The following ADAMTS6 variants were observed in gnomAD, a reference collection of about 807,000 sequenced individuals.
The protein encoded by ADAMTS6 is ADAM metallopeptidase with thrombospondin type 1 motif 6.
ADAMTS6 carries 23 observed loss-of-function variants against 144.3 expected under a neutral mutation model. The ratio of observed to expected loss-of-function variants is 0.16; its 90% CI spans 0.11 to 0.23. The LOEUF (loss-of-function observed/expected upper bound fraction) is 0.23. Ranked by LOEUF, ADAMTS6 falls within the 10% of genes least tolerant of loss-of-function variation. The pLI is 1.00. For missense variants in ADAMTS6, 999 were observed against 1,379.6 expected (o/e 0.72, Z 4.37); for synonymous variants, 444 against 457.5 (o/e 0.97, Z 0.38).
chr5:65,151,946 C>A lies in ADAMTS6; in HGVS notation c.3245-1G>T. On this transcript the variant is annotated splice_acceptor_variant, in intron 24 of 24. Coordinates refer to ENST00000381055, the MANE Select transcript of ADAMTS6 (RefSeq NM_197941.4). LOFTEE classifies it high-confidence loss of function. The stretch of plus-strand genomic sequence containing the variant: ...GCCACTTTATTCACATCTTTGCACT[C>A]TAACGAATGGGGGCAGAAAATGGAA... 1 of 1,610,584 alleles carries A rather than the reference C, an allele frequency of 6.2e-7. No homozygotes were observed.
chr5:65,422,362 C>T (rs757459335), intron 7 of ADAMTS6, among the ~76,000 whole-genome samples: 40 of 152,254 alleles, frequency 2.6e-4, no homozygotes, highest in Non-Finnish European at 3.7e-4. Context: ...CCAGGCTTGG[C>T]GGCTCACGCC....
chr5:65,400,142 A>G (rs1227130717), intron 7 of ADAMTS6, among the ~76,000 whole-genome samples: 1 of 151,996 alleles, frequency 6.6e-6, no homozygotes, highest in Non-Finnish European at 1.5e-5. Context: ...GTTCCTCTAT[A>G]GGTAAGATTT....
intron 20 of ADAMTS6, among the ~76,000 whole-genome samples, chr5:65,199,670 CAT>C (rs1479887390): frequency 2.0e-5 from 3 of 152,248 alleles, no homozygotes; most frequent in African/African-American, 7.2e-5. Context: ...TTAAAAATTA[CAT>C]GTATACCCAA....
At chr5:65,321,388 AT>A (rs998981625) in intron 9 of ADAMTS6, among the ~76,000 whole-genome samples, 7 of 149,056 alleles carry the variant, frequency 4.7e-5, no homozygotes, top group Admixed American at 1.3e-4. Flanking sequence ...TTTAATGGGG[AT>A]TTTTTTTTCT....
intron 20 of ADAMTS6, among the ~76,000 whole-genome samples, chr5:65,211,196 T>C (rs527724648): frequency 6.6e-6 from 1 of 152,098 alleles, no homozygotes; most frequent in South Asian, 2.1e-4. Flanking sequence ...GGGTTAAAAG[T>C]GAGGGTTAAA....
At position 65,262,852 on chromosome 5, in the gene ADAMTS6, G is replaced by A. The variant is rs746468264; in HGVS notation, c.1731C>T (p.Gly577=). The change falls in exon 13 of 25, where the codon GGC becomes GGT. Residue 577 remains glycine, a synonymous_variant. Transcript: ENST00000381055. ...CACAGTGTCTTAGGGATGAGGAGAC[G>A]CCTCCCCCGCAGGTCCTGCTGCACT... The part of the protein sequence containing the change: ...WGECSRTCGG[G]VSSSLRHCDS... 2 of 1,573,738 alleles carry A rather than the reference G, an allele frequency of 1.3e-6. No homozygotes were observed. The highest frequency in any genetic ancestry group is 1.2e-5 in the South Asian group (1 of 84,802).
At chr5:65,273,294 T>C (rs780481436) in intron 12 of ADAMTS6, 46 bp downstream of exon 12, 2 of 1,524,304 alleles carry the variant, frequency 1.3e-6, no homozygotes, top group Non-Finnish European at 9.1e-7. Flanking sequence ...CAGCAATTTA[T>C]CACTTTTGTA....
intron 14 of ADAMTS6, among the ~76,000 whole-genome samples, chr5:65,259,096 C>G (rs1352240415): frequency 6.6e-6 from 1 of 152,018 alleles, no homozygotes; most frequent in African/African-American, 2.4e-5. Context: ...ATGGCTCACA[C>G]CTGTAATCCC....
chr5:65,279,001 T>C (rs969690557), intron 11 of ADAMTS6, among the ~76,000 whole-genome samples: 11 of 150,708 alleles, frequency 7.3e-5, no homozygotes, highest in Admixed American at 6.7e-5. Flanking sequence ...TGAAGTGTAG[T>C]GGTGTGAACA....
chr5:65,389,054 A>G (rs892043030), intron 7 of ADAMTS6, among the ~76,000 whole-genome samples: 2 of 152,122 alleles, frequency 1.3e-5, no homozygotes, highest in Non-Finnish European at 2.9e-5. Context: ...ATACAAAAAA[A>G]TTAGCCGGGC....
intron 17 of ADAMTS6, among the ~76,000 whole-genome samples, chr5:65,224,699 C>A (rs1205208540): frequency 1.3e-5 from 2 of 152,160 alleles, no homozygotes; most frequent in Admixed American, 1.3e-4. Flanking sequence ...GAATGTACAC[C>A]TTTAAGAAAC....
chr5:65,168,163 G>C (rs1753324669), intron 24 of ADAMTS6, among the ~76,000 whole-genome samples: 1 of 147,274 alleles, frequency 6.8e-6, no homozygotes, highest in Non-Finnish European at 1.5e-5. Flanking sequence ...ATCTCCTTAA[G>C]CTGATAAGCA....
intron 7 of ADAMTS6, among the ~76,000 whole-genome samples, chr5:65,396,336 TA>T (rs1157282941): frequency 6.6e-6 from 1 of 152,200 alleles, no homozygotes; most frequent in Admixed American, 6.5e-5. Flanking sequence ...AGTCTTCATC[TA>T]AATTCAGAAA....
chr5:65,401,815 T>C (rs531323391), intron 7 of ADAMTS6, among the ~76,000 whole-genome samples: 4 of 152,304 alleles, frequency 2.6e-5, no homozygotes, highest in East Asian at 1.9e-4. Context: ...ACTGTTAGGA[T>C]AGAGTGGCAA....
At chr5:65,226,013 A>G in intron 16 of ADAMTS6, 73 bp downstream of exon 16, 2 of 1,470,512 alleles carry the variant, frequency 1.4e-6, no homozygotes, top group African/African-American at 1.4e-5. Flanking sequence ...TAAACATAGT[A>G]TTAAATAGGA....
chr5:65,188,059 T>C lies in ADAMTS6; in HGVS notation c.2867A>G (p.Asn956Ser), dbSNP rs1356235427. The change falls in exon 22 of 25, where the codon AAC (asparagine) becomes AGC (serine). Residue 956 changes from asparagine (N) to serine (S), a missense_variant. By Grantham distance (46) the Asn-to-Ser change is conservative. Transcript: ENST00000381055. ...HRPVEKEPCN[N>S]QSCPPQWVAL... ...CACCCACTGTGGTGGACATGACTGGTTGTTGCAGGGCTCTTTTTCGACAGG... is the reference window on the plus strand; with the variant it reads ...CACCCACTGTGGTGGACATGACTGGCTGTTGCAGGGCTCTTTTTCGACAGG... The C allele has an allele frequency of 1.2e-6, 2 of 1,614,094 alleles. No homozygotes were observed. The highest frequency in any genetic ancestry group is 1.7e-6 in the Non-Finnish European group (2 of 1,179,988).
chr5:65,362,232 C>T (rs1046434472), intron 7 of ADAMTS6, among the ~76,000 whole-genome samples: 1 of 152,132 alleles, frequency 6.6e-6, no homozygotes, highest in Non-Finnish European at 1.5e-5. Flanking sequence ...GCCTGTCAGG[C>T]GATGTGAATT....
chr5:65,454,745 C>T (rs1444946567), intron 4 of ADAMTS6, among the ~76,000 whole-genome samples: 1 of 152,174 alleles, frequency 6.6e-6, no homozygotes, highest in Non-Finnish European at 1.5e-5. Flanking sequence ...ACGCTGGCAT[C>T]TGAAGACAAT....
Position 65,213,634 on chromosome 5 carries a change from C to CA in ADAMTS6, c.2575+1159dup, listed in dbSNP as rs548001753. Among the ~76,000 whole-genome samples, 397 of 132,260 alleles carry CA rather than the reference C, an allele frequency of 3.0e-3. 5 individuals carry two copies. Among genetic ancestry groups the CA allele is most frequent in the South Asian group, 0.011 (48 of 4,228 alleles). The allele number at this position is 132,260 out of a possible 152,430, so 86.8% of individuals were successfully genotyped here. ...TGGGCAACAGAGCAAAAACCTGTCT[C>CA]AAAAAAAAAAAAGTAATAAGTAATA... On this transcript the variant is annotated intron_variant, in intron 20 of 24. Coordinates refer to ENST00000381055, the MANE Select transcript of ADAMTS6 (RefSeq NM_197941.4).
Sources: allele counts gnomAD v4.1 joint callset (sites outside exome capture counted in the v4.1 genomes callset), GRCh38; gene constraint gnomAD v4.1.1; transcripts MANE v1.5; gene names NCBI Gene and HGNC (gene_info 2026-07-23, HGNC 2026-07-21).